The following STARD8 variants were observed in gnomAD, a reference collection of about 807,000 sequenced individuals.
STARD8 encodes stAR-related lipid transfer protein 8.
Under a neutral mutation model 69.4 loss-of-function variants are expected in STARD8, and 25 were observed. The observed-to-expected ratio is 0.36, with a 90% CI of 0.26 to 0.50. STARD8 has a LOEUF of 0.50. Among genes scored for constraint, STARD8 ranks in the 20% least tolerant of loss-of-function variants. The pLI is 0.96. For synonymous variants in STARD8, 389 were observed against 374.6 expected (o/e 1.04, Z -0.45); for missense variants, 921 against 932.5 (o/e 0.99, Z 0.16).
chrX:68,721,310 G>A (rs994222533), intron 9 of STARD8, among the ~76,000 whole-genome samples, 188 bp downstream of exon 9: 6 of 111,815 alleles, frequency 5.4e-5, no homozygotes, highest in African/African-American at 2.0e-4. Context: ...CCCATTATAT[G>A]GAAAGGTAGA....
chrX:68,722,014 A>G (rs1004265855), intron 10 of STARD8, 33 bp from the exon 11 acceptor site: 9 of 1,134,770 alleles, frequency 7.9e-6, no homozygotes, highest in African/African-American at 1.8e-5. Flanking sequence ...CTCTTGTGCC[A>G]TCTCTCCTCT....
At chrX:68,698,553 G>T (rs1284323511) in intron 2 of STARD8, among the ~76,000 whole-genome samples, 1 of 109,764 alleles carries the variant, frequency 9.1e-6, no homozygotes, top group East Asian at 2.9e-4. Flanking sequence ...GCCTGTATCT[G>T]GACAAGCAGT....
chrX:68,653,297 A>AAG (rs2079581306), intron 1 of STARD8, among the ~76,000 whole-genome samples: 1 of 20,910 alleles, frequency 4.8e-5, no homozygotes. Context: ...ACCACACACC[A>AAG]CACACACACC....
intron 2 of STARD8, among the ~76,000 whole-genome samples, chrX:68,709,907 G>T (rs753560646): frequency 8.9e-6 from 1 of 111,923 alleles, no homozygotes; most frequent in East Asian, 2.8e-4. Flanking sequence ...ATTTTACCAA[G>T]AAGGAAACAG....
intron 2 of STARD8, among the ~76,000 whole-genome samples, chrX:68,702,454 C>T (rs1272758571): frequency 8.9e-6 from 1 of 112,092 alleles, no homozygotes; most frequent in African/African-American, 3.2e-5. Context: ...CTTGTGGGGA[C>T]CAAGTGACAT....
chrX:68,653,229 A>C (rs1358239609), intron 1 of STARD8, among the ~76,000 whole-genome samples: 1 of 32,489 alleles, frequency 3.1e-5, no homozygotes, highest in South Asian at 2.3e-3. Flanking sequence ...CATACACACC[A>C]CACCACACAC....
At chrX:68,652,518 G>C (rs755809831) in intron 1 of STARD8, among the ~76,000 whole-genome samples, 2 of 111,153 alleles carry the variant, frequency 1.8e-5, no homozygotes, top group Non-Finnish European at 3.8e-5. Flanking sequence ...AGTGTGAGAT[G>C]AACCCAGTAT....
At chrX:68,690,574 G>A (rs763332482) in intron 2 of STARD8, among the ~76,000 whole-genome samples, 34 of 111,895 alleles carry the variant, frequency 3.0e-4, no homozygotes, top group African/African-American at 1.1e-3. Flanking sequence ...CCAAAGGTTA[G>A]CTCTATAGCA....
At position 68,725,570 on chromosome X, in the gene STARD8, A is replaced by G. The variant is rs111819101; in HGVS notation, c.*1148A>G. Reference sequence around the variant, plus strand: ...CTGTACAGCTAATATATATATATATATATATATATGTGTGTGTGTGTGTGT... The same window carrying G: ...CTGTACAGCTAATATATATATATATGTATATATATGTGTGTGTGTGTGTGT... On this transcript the variant is annotated 3_prime_UTR_variant, in exon 15 of 15. Transcript: ENST00000374599. 9.6e-6 allele frequency: 1 copy of G among 103,994 alleles called. No individual in the cohort carries two copies. Among genetic ancestry groups the G allele is most frequent in the African/African-American group, 3.7e-5 (1 of 26,983 alleles). 8.6% of individuals were successfully genotyped at this position (103,994 alleles called of 1,213,427 possible).
At chrX:68,647,996 G>C (rs2079525831) in intron 1 of STARD8, 69 bp downstream of exon 1, 1 of 1,127,894 alleles carries the variant, frequency 8.9e-7, no homozygotes, top group Non-Finnish European at 1.2e-6. Flanking sequence ...GGACCACTGC[G>C]CACCAGCTGG....
intron 1 of STARD8, chrX:68,656,447 C>A (rs1156775283): frequency 8.9e-6 from 1 of 111,808 alleles, no homozygotes. Flanking sequence ...GACAGTGTGG[C>A]GATTCCTCAA....
chrX:68,677,451 C>T (rs958676475), intron 2 of STARD8, among the ~76,000 whole-genome samples: 4 of 111,657 alleles, frequency 3.6e-5, no homozygotes, highest in African/African-American at 1.3e-4. Flanking sequence ...AGAAACTTGG[C>T]CCCTCGAGGG....
At chrX:68,661,963 TC>T (rs1472313612) in intron 1 of STARD8, among the ~76,000 whole-genome samples, 21 of 79,052 alleles carry the variant, frequency 2.7e-4, no homozygotes, top group South Asian at 1.4e-3. Flanking sequence ...TCTCTCTCTC[TC>T]TCTCTCTCTT....
chrX:68,662,930 T>C (rs923162504), intron 1 of STARD8, among the ~76,000 whole-genome samples: 1 of 112,240 alleles, frequency 8.9e-6, no homozygotes, highest in Admixed American at 9.4e-5. Flanking sequence ...TATGAATCCC[T>C]GAGTACCTAG....
Position 68,721,099 on chromosome X carries a change from C to G in STARD8, c.2225C>G (p.Thr742Ser). 8.3e-7 allele frequency: 1 copy of G among 1,211,963 alleles called. No homozygotes were observed. The highest frequency in any genetic ancestry group is 1.1e-6 in the Non-Finnish European group (1 of 895,585). ...CCCATCTTCACCAGCAAGCTCACCA[C>G]CACTTTCCTCCAGATCTACCAGCGT... ...PEPIFTSKLT[T>S]TFLQIYQLLP... Residue 742 changes from threonine (T) to serine (S), a missense_variant, in exon 9 of 15, where the codon ACC (threonine) becomes AGC (serine). Transcript: ENST00000374599.
chrX:68,668,101 C>CTTTCTTTCTTTCTTTCTTTCTTTCTTTCT (rs1556021512), intron 2 of STARD8, among the ~76,000 whole-genome samples: 1 of 96,736 alleles, frequency 1.0e-5, no homozygotes, highest in Admixed American at 1.1e-4. Context: ...TTCTTTCTTT[C>CTTTCTTTCTTTCTTTCTTTCTTTCTTTCT]TTTCTTTCTT....
At chrX:68,676,894 C>A (rs1221978672) in intron 2 of STARD8, among the ~76,000 whole-genome samples, 1 of 110,388 alleles carries the variant, frequency 9.1e-6, no homozygotes, top group African/African-American at 3.3e-5. Context: ...GCCTGTAATC[C>A]CAGCAATTTG....
At chrX:68,661,962 CTCTCTCTCTCTTTCTT>C (rs1302531113) in intron 1 of STARD8, among the ~76,000 whole-genome samples, 2 of 76,843 alleles carry the variant, frequency 2.6e-5, no homozygotes, top group South Asian at 7.1e-4. Flanking sequence ...CTCTCTCTCT[CTCTCTCTCTCTTTCTT>C]TCTTTCTTTC....
rs1300553549 is a variant in STARD8 at position 68,723,724 on chromosome X, C to G, written c.2898C>G (p.Leu966=). The G allele has an allele frequency of 8.4e-7, 1 of 1,189,650 alleles. No individual in the cohort carries two copies. The highest frequency in any genetic ancestry group is 1.1e-6 in the Non-Finnish European group (1 of 884,676). ...VLHRVLRERA[L]WDEDLLRAQV... is the part of the protein sequence containing the mutation. ...ATCGTGTTCTCCGGGAGCGGGCCCT[C>G]TGGGATGAGGATCTGCTGCGGGCCC... Residue 966 remains leucine (L), a synonymous_variant, in exon 13 of 15, where the codon CTC becomes CTG. Coordinates refer to ENST00000374599, the MANE Select transcript of STARD8 (RefSeq NM_001142503.3).
Sources: allele counts gnomAD v4.1 joint callset (sites outside exome capture counted in the v4.1 genomes callset), GRCh38; gene constraint gnomAD v4.1.1; transcripts MANE v1.5; gene names NCBI Gene and HGNC (gene_info 2026-07-23, HGNC 2026-07-21).